The following THSD4 variants were observed in gnomAD, a reference collection of about 807,000 sequenced individuals.
THSD4 encodes the protein thrombospondin type 1 domain containing 4.
A neutral mutation model predicts 119.0 loss-of-function variants in THSD4; 69 were observed. The observed-to-expected ratio is 0.58, with a 90% CI of 0.48 to 0.71. The LOEUF is 0.71. THSD4 is among the 30% of genes least tolerant of loss of function. The probability of loss-of-function intolerance (pLI) is 0.00; values close to 1 mark genes in which losing one functional copy is unlikely to be tolerated. For missense variants in THSD4, 1,393 were observed against 1,391.1 expected, an observed-to-expected ratio of 1.00 and a Z score of -0.02; for synonymous variants, 524 against 540.4, an observed-to-expected ratio of 0.97 and a Z score of 0.42.
chr15:71,708,512 A>G (rs1387861548), intron 8 of THSD4, among the ~76,000 whole-genome samples: 1 of 152,192 alleles, frequency 6.6e-6, no homozygotes, highest in Non-Finnish European at 1.5e-5. Context: ...AAAACAAACT[A>G]TATAGAAACT....
At chr15:71,246,173 C>A (rs750820293) in intron 5 of THSD4, among the ~76,000 whole-genome samples, 2 of 152,094 alleles carry the variant, frequency 1.3e-5, no homozygotes, top group Admixed American at 6.5e-5. Flanking sequence ...TGATCCCTAC[C>A]GTGTAGGGTT....
chr15:71,335,589 A>ATGTCT (rs2045479968), intron 6 of THSD4, among the ~76,000 whole-genome samples: 1 of 152,084 alleles, frequency 6.6e-6, no homozygotes, highest in African/African-American at 2.4e-5. Context: ...CACGGGTGCG[A>ATGTCT]GAGAAGGGTG....
chr15:71,517,741 TC>T (rs745477229), intron 7 of THSD4, among the ~76,000 whole-genome samples: 1 of 152,142 alleles, frequency 6.6e-6, no homozygotes, highest in Non-Finnish European at 1.5e-5. Flanking sequence ...TCATCCAAAG[TC>T]TCCTTTAAAG....
chr15:71,624,963 T>C (rs547875546), intron 7 of THSD4, among the ~76,000 whole-genome samples: 1 of 152,210 alleles, frequency 6.6e-6, no homozygotes, highest in South Asian at 2.1e-4. Context: ...CTTATTTTTT[T>C]CTAGTGGGCC....
At chr15:71,510,885 A>G (rs2048272217) in intron 7 of THSD4, among the ~76,000 whole-genome samples, 1 of 117,012 alleles carries the variant, frequency 8.5e-6, no homozygotes. Flanking sequence ...GCTATATGCT[A>G]GGCTCTTATA....
intron 5 of THSD4, among the ~76,000 whole-genome samples, chr15:71,243,953 T>C (rs1005924945): frequency 2.0e-5 from 3 of 151,664 alleles, no homozygotes; most frequent in Non-Finnish European, 4.4e-5. Flanking sequence ...CCCAGCTAAT[T>C]TTTCTGTTTT....
chr15:71,746,740 G>A (rs2053345122), intron 12 of THSD4, 98 bp from the exon 13 acceptor site: 1 of 1,306,222 alleles, frequency 7.7e-7, no homozygotes, highest in Non-Finnish European at 1.1e-6. Context: ...TCTACCCATA[G>A]TGATTCTGAT....
At chr15:71,691,679 T>C (rs1013738505) in intron 8 of THSD4, among the ~76,000 whole-genome samples, 5 of 152,214 alleles carry the variant, frequency 3.3e-5, no homozygotes, top group Admixed American at 2.0e-4. Flanking sequence ...CTTTTAGTAA[T>C]GATGAGTTGA....
chr15:71,205,412 C>T (rs1266986012), intron 3 of THSD4, among the ~76,000 whole-genome samples: 1 of 152,180 alleles, frequency 6.6e-6, no homozygotes, highest in Non-Finnish European at 1.5e-5. Context: ...CTCAGAACTA[C>T]TTAGCTGCTG....
At chr15:71,695,053 A>G (rs1288465767) in intron 8 of THSD4, among the ~76,000 whole-genome samples, 1 of 152,264 alleles carries the variant, frequency 6.6e-6, no homozygotes, top group African/African-American at 2.4e-5. Flanking sequence ...CCTCTTTCCA[A>G]AACCTCCCAC....
chr15:71,153,952 G>A (rs1044710685), intron 2 of THSD4, among the ~76,000 whole-genome samples: 2 of 152,140 alleles, frequency 1.3e-5, no homozygotes, highest in African/African-American at 4.8e-5. Flanking sequence ...CATTCAGCGG[G>A]ACTTGGGGCA....
At chr15:71,634,198 A>AAG (rs1555434372) in intron 7 of THSD4, among the ~76,000 whole-genome samples, 1 of 147,270 alleles carries the variant, frequency 6.8e-6, no homozygotes, top group African/African-American at 2.5e-5. Flanking sequence ...AAAAAAAAAA[A>AAG]AAAAAGAAAA....
chr15:71,306,526 G>T (rs57361456), intron 6 of THSD4, among the ~76,000 whole-genome samples: 191 of 152,066 alleles, frequency 1.3e-3, no homozygotes, highest in African/African-American at 4.5e-3. Flanking sequence ...GGTAAACAAA[G>T]CAGCACCAAT....
Position 71,149,307 on chromosome 15 carries a change from G to A in THSD4, c.30-5556G>A, listed in dbSNP as rs776207178. Among the ~76,000 whole-genome samples, 5 of 152,168 alleles carry A rather than the reference G, an allele frequency of 3.3e-5. No homozygotes were observed. The East Asian group carries it at 5.8e-4, about 18-fold the overall frequency. ...GTTGCCCAGGCTGGAGGGCAATGGC[G>A]TGATCACGGCTCACTGCAAACTCCA... On this transcript the variant is annotated intron_variant, in intron 2 of 17. Coordinates refer to ENST00000261862, the MANE Select transcript of THSD4 (RefSeq NM_024817.3).
At chr15:71,560,096 A>G (rs1220781358) in intron 7 of THSD4, among the ~76,000 whole-genome samples, 1 of 152,218 alleles carries the variant, frequency 6.6e-6, no homozygotes, top group African/African-American at 2.4e-5. Flanking sequence ...TTATTTTCTG[A>G]TTCAGCATAT....
At chr15:71,498,854 T>C (rs1228327271) in intron 7 of THSD4, among the ~76,000 whole-genome samples, 1 of 103,252 alleles carries the variant, frequency 9.7e-6, no homozygotes, top group African/African-American at 3.6e-5. Context: ...CACCACCACA[T>C]TGTACTTTTT....
intron 7 of THSD4, among the ~76,000 whole-genome samples, chr15:71,505,722 A>C (rs1440789781): frequency 1.3e-5 from 2 of 152,246 alleles, no homozygotes; most frequent in African/African-American, 4.8e-5. Flanking sequence ...ATGAAATGCC[A>C]AATAATACAG....
intron 6 of THSD4, among the ~76,000 whole-genome samples, chr15:71,311,360 G>T (rs1278235139): frequency 2.0e-5 from 3 of 152,188 alleles, no homozygotes; most frequent in Non-Finnish European, 4.4e-5. Flanking sequence ...TCTTAGAAGG[G>T]GATAGCCATG....
At chr15:71,597,537 A>T (rs2049927330) in intron 7 of THSD4, among the ~76,000 whole-genome samples, 1 of 152,206 alleles carries the variant, frequency 6.6e-6, no homozygotes, top group African/African-American at 2.4e-5. Flanking sequence ...CATTTTAAGG[A>T]TCATTAGACT....
Sources: allele counts gnomAD v4.1 joint callset (sites outside exome capture counted in the v4.1 genomes callset), GRCh38; gene constraint gnomAD v4.1.1; transcripts MANE v1.5; gene names NCBI Gene and HGNC (gene_info 2026-07-23, HGNC 2026-07-21).